METAP1D: variants seen among roughly 807,000 people sequenced by gnomAD.
The protein encoded by METAP1D is methionyl aminopeptidase type 1D, mitochondrial.
A neutral mutation model predicts 40.5 loss-of-function variants in METAP1D; 31 were observed. The observed-to-expected ratio is 0.77, with a 90% confidence interval of 0.58 to 1.03. The LOEUF is 1.03. METAP1D is among the 50% of genes least tolerant of loss of function. The probability of loss-of-function intolerance (pLI) is 0.00; values close to 1 mark genes in which losing one functional copy is unlikely to be tolerated. For synonymous variants in METAP1D, 151 were observed against 146.4 expected, an observed-to-expected ratio of 1.03 and a Z score of -0.22; for missense variants, 411 against 420.7, an observed-to-expected ratio of 0.98 and a Z score of 0.20.
chr2:172,016,757 A>G (rs1293464023), intron 1 of METAP1D, among the ~76,000 whole-genome samples: 1 of 152,096 alleles, frequency 6.6e-6, no homozygotes, highest in Non-Finnish European at 1.5e-5. Context: ...CTGACCTCCA[A>G]GGCTCTCTGG....
rs181273966 is a variant in METAP1D, at chr2:172,031,193, A to G, written c.41-30305A>G. On this transcript the variant is annotated intron_variant, in intron 1 of 9. Coordinates refer to ENST00000315796, the MANE Select transcript of METAP1D (RefSeq NM_199227.3). ...ATAAAATGTCCAACTACGTATTAGA[A>G]TTTTCTTTGGGTTAATGGAGTATCC... 1.5e-3 allele frequency among the ~76,000 whole-genome samples: 230 copies of G among 152,278 alleles called. 4 individuals carry two copies. Among genetic ancestry groups the G allele is most frequent in the Admixed American group, 2.0e-3 (31 of 15,294 alleles).
chr2:172,080,322 T>C lies in METAP1D; in HGVS notation c.930-6T>C. 6.2e-7 allele frequency: 1 copy of C among 1,614,138 alleles called. No individual in the cohort carries two copies. The highest frequency in any genetic ancestry group is 8.5e-7 in the Non-Finnish European group (1 of 1,179,980). On this transcript the variant is annotated splice_polypyrimidine_tract_variant and splice_region_variant and intron_variant, in intron 9 of 9. Transcript: ENST00000315796. Reference sequence around the variant, plus strand: ...CGCGTTCTGACGGCTGGGTGCTGTGTTACAGGTCGGCGCAGTTCGAGCACA... The same window carrying C: ...CGCGTTCTGACGGCTGGGTGCTGTGCTACAGGTCGGCGCAGTTCGAGCACA...
chr2:172,060,984 A>T (rs1287743871), intron 1 of METAP1D, among the ~76,000 whole-genome samples: 2 of 152,218 alleles, frequency 1.3e-5, no homozygotes, highest in Admixed American at 6.5e-5. Flanking sequence ...TTTAGTCTTT[A>T]TCTGACTTGA....
At chr2:172,065,854 C>T (rs932199913) in intron 4 of METAP1D, 102 bp downstream of exon 4, 38 of 1,227,374 alleles carry the variant, frequency 3.1e-5, no homozygotes, top group Non-Finnish European at 3.3e-5. Context: ...TGAAACCCAC[C>T]GGTAAACTTC....
intron 1 of METAP1D, among the ~76,000 whole-genome samples, chr2:172,037,793 T>G (rs1376861168): frequency 6.6e-6 from 1 of 152,228 alleles, no homozygotes; most frequent in Non-Finnish European, 1.5e-5. Flanking sequence ...CCACCATGTT[T>G]TGTCTCCGGG....
At chr2:172,032,505 G>T (rs766999893) in intron 1 of METAP1D, among the ~76,000 whole-genome samples, 3 of 152,148 alleles carry the variant, frequency 2.0e-5, no homozygotes, top group Admixed American at 6.5e-5. Context: ...AACTGGTTAA[G>T]TAGAAGGAAA....
chr2:172,050,293 T>G (rs1689859883), intron 1 of METAP1D, among the ~76,000 whole-genome samples: 1 of 152,360 alleles, frequency 6.6e-6, no homozygotes, highest in African/African-American at 2.4e-5. Context: ...CTTTTGATCA[T>G]AGATTATAAG....
At chr2:172,000,321 A>G (rs1688428083) in intron 1 of METAP1D, among the ~76,000 whole-genome samples, 1 of 152,226 alleles carries the variant, frequency 6.6e-6, no homozygotes, top group Non-Finnish European at 1.5e-5. Flanking sequence ...TAGTGTAACC[A>G]ACATTTATTC....
chr2:172,059,406 A>G (rs1057052791), intron 1 of METAP1D, among the ~76,000 whole-genome samples: 5 of 152,166 alleles, frequency 3.3e-5, no homozygotes, highest in African/African-American at 1.2e-4. Context: ...ACTGCTCTAG[A>G]CCAGGATTCA....
chr2:172,050,558 A>G (rs753577805), intron 1 of METAP1D, among the ~76,000 whole-genome samples: 49 of 152,098 alleles, frequency 3.2e-4, no homozygotes, highest in Admixed American at 5.2e-4. Flanking sequence ...AAATCATTCT[A>G]TTTTCCTCTT....
At chr2:172,045,971 T>C (rs1051584938) in intron 1 of METAP1D, among the ~76,000 whole-genome samples, 21 of 146,796 alleles carry the variant, frequency 1.4e-4, no homozygotes, top group Non-Finnish European at 2.5e-4. Context: ...CAGCCTCATT[T>C]AGAGCTGGGC....
intron 2 of METAP1D, 154 bp downstream of exon 2, chr2:172,061,809 T>C: frequency 1.7e-6 from 1 of 580,596 alleles, no homozygotes; most frequent in Non-Finnish European, 2.8e-6. Flanking sequence ...TGAGAAGTTT[T>C]AATATCCTGC....
chr2:172,066,153 A>G (rs923423363), intron 4 of METAP1D, 111 bp from the exon 5 acceptor site: 9 of 816,044 alleles, frequency 1.1e-5, no homozygotes, highest in South Asian at 4.9e-5. Context: ...CTTCACTCCA[A>G]ATTATCACTG....
At chr2:172,034,998 T>TTTG (rs1689337166) in intron 1 of METAP1D, among the ~76,000 whole-genome samples, 2 of 152,038 alleles carry the variant, frequency 1.3e-5, no homozygotes, top group South Asian at 2.1e-4. Flanking sequence ...TTTTTTTTTT[T>TTTG]TTGTTGTTTT....
intron 1 of METAP1D, among the ~76,000 whole-genome samples, chr2:172,035,067 A>T (rs1689339138): frequency 6.6e-6 from 1 of 150,426 alleles, no homozygotes; most frequent in Non-Finnish European, 1.5e-5. Context: ...ATTGTGAAAT[A>T]TGTAGAGAGA....
In METAP1D at chr2:172,044,357, A is replaced by C. The variant is rs528461137; in HGVS notation, c.41-17141A>C. 1.1e-4 allele frequency among the ~76,000 whole-genome samples: 13 copies of C among 121,996 alleles called. 2 individuals carry two copies. The highest frequency in any genetic ancestry group is 2.3e-4 in the Non-Finnish European group (12 of 52,376). The allele number at this position is 121,996 out of a possible 152,430, so 80.0% of individuals were successfully genotyped here. ...AGGTGGATCACGAGGTCATGAGATC[A>C]AGACCATCCTGGCAAACATGGTGAA... On this transcript the variant is annotated intron_variant, in intron 1 of 9. Transcript: ENST00000315796.
chr2:172,016,300 A>AAAATATATAT (rs1553490378), intron 1 of METAP1D, among the ~76,000 whole-genome samples: 6 of 40,058 alleles, frequency 1.5e-4, no homozygotes, highest in Non-Finnish European at 1.8e-4. Context: ...AAAAAAAAAA[A>AAAATATATAT]ATATATATAT....
Position 172,077,875 on chromosome 2 carries a change from TC to T in METAP1D, c.785del (p.Pro262GlnfsTer22). 1 of 1,606,898 alleles carries T rather than the reference TC, an allele frequency of 6.2e-7. No homozygotes were observed. Among genetic ancestry groups the T allele is most frequent in the Non-Finnish European group, 8.5e-7 (1 of 1,174,164 alleles). On this transcript the variant is annotated frameshift_variant, in exon 7 of 10. Coordinates refer to ENST00000315796, the MANE Select transcript of METAP1D (RefSeq NM_199227.3). LOFTEE classifies it high-confidence loss of function. ...GAATAGGATCTTACTTTCATGGACA[TC>T]CAGAAATTTGGCATCATGGTAAGAA... ...HGIGSYFHGHPEIWHHANDSD... is the reference protein window; with the variant it reads ...HGIGSYFHGHXEIWHHANDSD...
chr2:172,062,040 T>A (rs942877329), intron 2 of METAP1D: 1 of 153,252 alleles, frequency 6.5e-6, no homozygotes, highest in East Asian at 1.9e-4. Flanking sequence ...TAGATTTTTT[T>A]AAGCCTGTTC....
Sources: allele counts gnomAD v4.1 joint callset (sites outside exome capture counted in the v4.1 genomes callset), GRCh38; gene constraint gnomAD v4.1.1; transcripts MANE v1.5; gene names NCBI Gene and HGNC (gene_info 2026-07-23, HGNC 2026-07-21).